The following SEMA5A variants were observed in gnomAD, a reference collection of about 807,000 sequenced individuals.
The protein encoded by SEMA5A is semaphorin 5A.
Under a neutral mutation model 135.5 loss-of-function variants are expected in SEMA5A, and 55 were observed. That is an observed-to-expected ratio of 0.41 (90% CI 0.33 to 0.51). The LOEUF is 0.51. Among genes scored for constraint, SEMA5A ranks in the 20% least tolerant of loss-of-function variants. The probability of loss-of-function intolerance (pLI) is 0.37; values close to 1 mark genes in which losing one functional copy is unlikely to be tolerated. For synonymous variants in SEMA5A, 580 were observed against 546.5 expected, an observed-to-expected ratio of 1.06 and a Z score of -0.85; for missense variants, 1,290 against 1,419.9, an observed-to-expected ratio of 0.91 and a Z score of 1.47.
chr5:9,541,563 A>G (rs1579713605), intron 1 of SEMA5A, among the ~76,000 whole-genome samples: 1 of 152,350 alleles, frequency 6.6e-6, no homozygotes, highest in East Asian at 1.9e-4. Flanking sequence ...AAGGAAAAAA[A>G]GAGTTTAAAA....
rs1005908289 is a variant in SEMA5A at position 9,483,830 on chromosome 5, G to A, written c.-174-45978C>T. The stretch of plus-strand genomic sequence containing the variant: ...AAAAATAAATACGCAAAGCCTTGGG[G>A]GGAGGAGAAAAAAACAGCTTTGAAG... On this transcript the variant is annotated intron_variant, in intron 1 of 22. Transcript: ENST00000382496. Among the ~76,000 whole-genome samples the A allele has an allele frequency of 3.9e-5, 6 of 152,282 alleles. 1 individual carries two copies. The highest frequency in any genetic ancestry group is 2.0e-4 in the Admixed American group (3 of 15,282).
chr5:9,169,639 A>G (rs933413543), intron 11 of SEMA5A, among the ~76,000 whole-genome samples: 1 of 152,160 alleles, frequency 6.6e-6, no homozygotes, highest in African/African-American at 2.4e-5. Flanking sequence ...ACCCTGGCAT[A>G]GTCAGACGCT....
chr5:9,050,860 G>A (rs2150041594), intron 20 of SEMA5A, among the ~76,000 whole-genome samples: 1 of 152,348 alleles, frequency 6.6e-6, no homozygotes, highest in East Asian at 1.9e-4. Flanking sequence ...CTTCCCGGCA[G>A]AGGGAGGGCC....
chr5:9,100,972 GA>G (rs1336141970), intron 16 of SEMA5A, among the ~76,000 whole-genome samples: 4 of 152,152 alleles, frequency 2.6e-5, no homozygotes, highest in Admixed American at 1.3e-4. Context: ...AAAAAAAGGA[GA>G]AAGATGGGCA....
intron 9 of SEMA5A, among the ~76,000 whole-genome samples, chr5:9,199,301 TC>T (rs1181255275): frequency 6.6e-6 from 1 of 152,110 alleles, no homozygotes; most frequent in Non-Finnish European, 1.5e-5. Flanking sequence ...CCCTGTGCCA[TC>T]CCCTGGGGAG....
chr5:9,052,289 T>A (rs1184367322), intron 19 of SEMA5A, among the ~76,000 whole-genome samples: 1 of 152,322 alleles, frequency 6.6e-6, no homozygotes, highest in East Asian at 1.9e-4. Context: ...ATTTTAACGT[T>A]ATAAAGTAAT....
In SEMA5A at chr5:9,037,829, A is replaced by G. The variant is rs190937029; in HGVS notation, c.*5068T>C. On this transcript the variant is annotated 3_prime_UTR_variant, in exon 23 of 23. Transcript: ENST00000382496. ...AAAAAAAATCTTTAAATCCATTATA[A>G]TTAATGACCTCAATAGGGCAGAATA... 13 of 152,338 alleles carry G rather than the reference A, an allele frequency of 8.5e-5. No individual in the cohort carries two copies. The highest frequency in any genetic ancestry group is 8.5e-4 in the Admixed American group (13 of 15,302). 9.4% of individuals were successfully genotyped at this position (152,338 alleles called of 1,614,324 possible).
At chr5:9,069,140 C>T (rs1010098771) in intron 16 of SEMA5A, among the ~76,000 whole-genome samples, 6 of 152,230 alleles carry the variant, frequency 3.9e-5, no homozygotes, top group Admixed American at 3.3e-4. Flanking sequence ...CCCAAGGAAG[C>T]TTTCAGTATA....
chr5:9,195,925 T>C (rs571689611), intron 10 of SEMA5A, among the ~76,000 whole-genome samples: 1 of 152,388 alleles, frequency 6.6e-6, no homozygotes, highest in South Asian at 2.1e-4. Context: ...ATTTTGCATC[T>C]GAGGACCGAG....
At chr5:9,207,478 C>T (rs73044789) in intron 8 of SEMA5A, among the ~76,000 whole-genome samples, 2,763 of 152,224 alleles carry the variant, frequency 0.018, 96 homozygotes, top group African/African-American at 0.063. Context: ...AGCCACTGCC[C>T]CTGGTCTACC....
intron 11 of SEMA5A, among the ~76,000 whole-genome samples, chr5:9,159,827 A>G (rs1743151475): frequency 6.6e-6 from 1 of 152,260 alleles, no homozygotes. Context: ...GATAGACTGG[A>G]TAAAGAAAAT....
chr5:9,271,017 T>C (rs1749947365), intron 5 of SEMA5A, among the ~76,000 whole-genome samples: 1 of 152,096 alleles, frequency 6.6e-6, no homozygotes, highest in Non-Finnish European at 1.5e-5. Flanking sequence ...TTGTTCTCTG[T>C]CCCCACCCAA....
chr5:9,428,110 ATATATATTC>A, intron 2 of SEMA5A, among the ~76,000 whole-genome samples: 1 of 141,042 alleles, frequency 7.1e-6, no homozygotes. Flanking sequence ...ATATATATAT[ATATATATTC>A]AACTCTATCT....
At chr5:9,197,389 A>G (rs894086190) in intron 9 of SEMA5A, 86 bp from the exon 10 acceptor site, 2 of 1,482,450 alleles carry the variant, frequency 1.3e-6, no homozygotes, top group Non-Finnish European at 1.8e-6. Flanking sequence ...AGCAGCTGTG[A>G]CCTACAGCTT....
intron 19 of SEMA5A, among the ~76,000 whole-genome samples, chr5:9,053,357 T>C (rs1736701394): frequency 6.6e-6 from 1 of 152,220 alleles, no homozygotes; most frequent in African/African-American, 2.4e-5. Flanking sequence ...CAGACTCTGT[T>C]ATTAGGCTAC....
intron 1 of SEMA5A, among the ~76,000 whole-genome samples, chr5:9,487,008 G>T (rs1312812096): frequency 1.6e-5 from 1 of 62,762 alleles, no homozygotes; most frequent in Non-Finnish European, 3.2e-5. Context: ...GCCAACCATA[G>T]ATTGTCTCTG....
chr5:9,362,864 G>A (rs191594606), intron 3 of SEMA5A, among the ~76,000 whole-genome samples: 1 of 152,158 alleles, frequency 6.6e-6, no homozygotes, highest in South Asian at 2.1e-4. Context: ...ATGTGCAAAA[G>A]TGTCTATCTG....
chr5:9,054,317 G>A, intron 18 of SEMA5A, 60 bp from the exon 19 acceptor site: 1 of 1,549,088 alleles, frequency 6.5e-7, no homozygotes, highest in Non-Finnish European at 8.7e-7. Flanking sequence ...AGTGAAAGGA[G>A]TTACTAAATG....
At chr5:9,526,063 A>G (rs1361720919) in intron 1 of SEMA5A, among the ~76,000 whole-genome samples, 1 of 152,194 alleles carries the variant, frequency 6.6e-6, no homozygotes, top group African/African-American at 2.4e-5. Context: ...AAAGTAATCA[A>G]AAGGAGCCTT....
Sources: gnomAD v4.1 joint callset for allele counts (sites outside exome capture counted in the v4.1 genomes callset) on GRCh38, gnomAD v4.1.1 for gene constraint, MANE v1.5 for transcripts, NCBI Gene and HGNC (gene_info 2026-07-23, HGNC 2026-07-21) for gene names.